The following TRIM26 variants were observed in gnomAD, a reference collection of about 807,000 sequenced individuals.
TRIM26 encodes tripartite motif-containing protein 26.
Under a neutral mutation model 45.5 loss-of-function variants are expected in TRIM26, and 16 were observed. The ratio of observed to expected loss-of-function variants is 0.35; its 90% CI spans 0.24 to 0.53. The LOEUF is 0.53. Among genes scored for constraint, TRIM26 ranks in the 20% least tolerant of loss-of-function variants. The probability of loss-of-function intolerance (pLI) is 0.92; values close to 1 mark genes in which losing one functional copy is unlikely to be tolerated. For synonymous variants in TRIM26, 273 were observed against 290.4 expected (o/e 0.94, Z 0.61); for missense variants, 442 against 691.1 (o/e 0.64, Z 4.04).
intron 2 of TRIM26, among the ~76,000 whole-genome samples, chr6:30,203,507 C>T (rs2523715): frequency 0.1 from 15,776 of 152,074 alleles, 993 homozygotes; most frequent in Non-Finnish European, 0.14. Context: ...CCTTCGCTTG[C>T]CAGGTTCAAG....
rs968770647 is a variant in TRIM26, at chr6:30,196,848, G to A, written c.535-102C>T. ...CTGGCTCGTTCACCTCGCTACCCCC[G>A]TTCAGGAATTCTACAGGATCTGGAG... On this transcript the variant is annotated intron_variant, in intron 5 of 9. Coordinates refer to ENST00000454678, the MANE Select transcript of TRIM26 (RefSeq NM_003449.5). The surrounding 1 kb of genome is among the most constrained non-coding windows in gnomAD (Gnocchi z 4.9). 7.1e-6 allele frequency: 8 copies of A among 1,124,214 alleles called. No individual in the cohort carries two copies. Among genetic ancestry groups the A allele is most frequent in the Non-Finnish European group, 9.0e-6 (7 of 777,566 alleles). 69.6% of individuals were successfully genotyped at this position (1,124,214 alleles called of 1,614,324 possible).
In TRIM26 at chr6:30,190,326, G is replaced by A. The variant is rs1415886756; in HGVS notation, c.766-291C>T. The A allele has an allele frequency of 5.6e-6, 3 of 531,006 alleles. No homozygotes were observed. The African/African-American group carries it at 5.7e-5, about 10-fold the overall frequency. The allele number at this position is 531,006 out of a possible 1,614,324, so 32.9% of individuals were successfully genotyped here. A position where few individuals can be genotyped will look rare whatever the true frequency, so the allele number is the denominator to read the frequency against. On this transcript the variant is annotated intron_variant, in intron 6 of 9. Coordinates refer to ENST00000454678, the MANE Select transcript of TRIM26 (RefSeq NM_003449.5). The surrounding 1 kb of genome is among the most constrained non-coding windows in gnomAD (Gnocchi z 4.3). Reference sequence around the variant, plus strand: ...AGAAGTACTGGCCGGATGAAGAGAGGTAAGGTAAAACAGGAAAGGGCTTGG... The same window carrying A: ...AGAAGTACTGGCCGGATGAAGAGAGATAAGGTAAAACAGGAAAGGGCTTGG...
chr6:30,184,515 G>A lies in TRIM26; in HGVS notation c.*1361C>T, dbSNP rs922250839. 6.6e-6 allele frequency: 1 copy of A among 152,350 alleles called. No individual in the cohort carries two copies. The highest frequency in any genetic ancestry group is 2.1e-4 in the South Asian group (1 of 4,828). The allele number at this position is 152,350 out of a possible 1,614,324, so 9.4% of individuals were successfully genotyped here. A position where few individuals can be genotyped will look rare whatever the true frequency, so the allele number is the denominator to read the frequency against. ...TGCCCAGCACTGCACTAGGTGCCAT[G>A]AGAATACAAGAGTAGTATAAGATGT... On this transcript the variant is annotated 3_prime_UTR_variant, in exon 10 of 10. Transcript: ENST00000454678.
At chr6:30,192,710 C>T (rs1775980777) in intron 6 of TRIM26, among the ~76,000 whole-genome samples, 1 of 152,064 alleles carries the variant, frequency 6.6e-6, no homozygotes. Context: ...CTTCTGGACC[C>T]TATTTTAGGT....
rs1775224919 is a variant in TRIM26, at chr6:30,186,597, G to GTT, written c.938-41_938-40dup. 1 of 1,487,070 alleles carries GTT rather than the reference G, an allele frequency of 6.7e-7. No homozygotes were observed. The highest frequency in any genetic ancestry group is 2.3e-5 in the East Asian group (1 of 42,650). 92.1% of individuals were successfully genotyped at this position (1,487,070 alleles called of 1,614,324 possible). On this transcript the variant is annotated intron_variant, in intron 9 of 9. Coordinates refer to ENST00000454678, the MANE Select transcript of TRIM26 (RefSeq NM_003449.5). The surrounding 1 kb of genome is among the most constrained non-coding windows in gnomAD (Gnocchi z 7.4). The stretch of plus-strand genomic sequence containing the variant: ...GGAAAAAAAAAAAAACAGCATCACT[G>GTT]TTTTGTTTTGTTTTTTAAGTCAGAG...
At position 30,198,262 on chromosome 6, in the gene TRIM26, A is replaced by G. The variant is rs1372915891; in HGVS notation, c.534+167T>C. On this transcript the variant is annotated intron_variant, in intron 5 of 9. Coordinates refer to ENST00000454678, the MANE Select transcript of TRIM26 (RefSeq NM_003449.5). The surrounding 1 kb of genome is among the most constrained non-coding windows in gnomAD (Gnocchi z 6.3). ...ACAGGCCCAAGACTACACGGCTCAG[A>G]AAGACAGCACTTGGGCTAAAACCCA... Among the ~76,000 whole-genome samples the G allele has an allele frequency of 6.6e-6, 1 of 152,196 alleles. No individual in the cohort carries two copies. Among genetic ancestry groups the G allele is most frequent in the Non-Finnish European group, 1.5e-5 (1 of 68,026 alleles).
In TRIM26 at chr6:30,196,854, G is replaced by T; in HGVS notation, c.535-108C>A. The T allele has an allele frequency of 9.5e-7, 1 of 1,047,796 alleles. No individual in the cohort carries two copies. The highest frequency in any genetic ancestry group is 1.4e-6 in the Non-Finnish European group (1 of 713,252). The allele number at this position is 1,047,796 out of a possible 1,614,324, so 64.9% of individuals were successfully genotyped here. ...CGTTCACCTCGCTACCCCCGTTCAG[G>T]AATTCTACAGGATCTGGAGTGGGAG... On this transcript the variant is annotated intron_variant, in intron 5 of 9. Transcript: ENST00000454678. This position sits in a 1 kb window ranked among gnomAD's most constrained non-coding sequence, Gnocchi z 4.9.
intron 6 of TRIM26, among the ~76,000 whole-genome samples, chr6:30,194,450 A>T (rs1337831087): frequency 6.6e-6 from 1 of 152,240 alleles, no homozygotes. Context: ...ATTTTCAAAA[A>T]GCTAGAAGAG....
intron 3 of TRIM26, among the ~76,000 whole-genome samples, chr6:30,199,810 G>A (rs1776947333): frequency 6.6e-6 from 1 of 152,032 alleles, no homozygotes; most frequent in South Asian, 2.1e-4. Flanking sequence ...CTAATTTTTT[G>A]TATTTTTAGT....
At chr6:30,208,343 T>C (rs1354494773) in intron 1 of TRIM26, among the ~76,000 whole-genome samples, 1 of 152,114 alleles carries the variant, frequency 6.6e-6, no homozygotes, top group African/African-American at 2.4e-5. Flanking sequence ...TCCAGCAACT[T>C]ACAGAAACCA....
chr6:30,192,376 G>A (rs551357973), intron 6 of TRIM26, among the ~76,000 whole-genome samples: 1 of 152,260 alleles, frequency 6.6e-6, no homozygotes, highest in African/African-American at 2.4e-5. Context: ...GGTTACCAGG[G>A]CAGGATGCAG....
intron 1 of TRIM26, among the ~76,000 whole-genome samples, chr6:30,206,516 C>T (rs1182278063): frequency 6.6e-6 from 1 of 152,238 alleles, no homozygotes; most frequent in Non-Finnish European, 1.5e-5. Context: ...GGCTGACCCA[C>T]AGGGGAAAAT....
In TRIM26 at chr6:30,186,595, CTGTTT is replaced by C. The variant is rs758271832; in HGVS notation, c.938-42_938-38del. On this transcript the variant is annotated intron_variant, in intron 9 of 9. Transcript: ENST00000454678. This position sits in a 1 kb window ranked among gnomAD's most constrained non-coding sequence, Gnocchi z 7.4. Reference sequence around the variant, plus strand: ...AGGGAAAAAAAAAAAAACAGCATCACTGTTTTGTTTTGTTTTTTAAGTCAGAGGGA... The same window carrying C: ...AGGGAAAAAAAAAAAAACAGCATCACTGTTTTGTTTTTTAAGTCAGAGGGA... 44 of 1,491,534 alleles carry C rather than the reference CTGTTT, an allele frequency of 2.9e-5. No individual in the cohort carries two copies. The highest frequency in any genetic ancestry group is 2.0e-4 in the South Asian group (14 of 70,176). The allele number at this position is 1,491,534 out of a possible 1,614,324, so 92.4% of individuals were successfully genotyped here.
chr6:30,186,118 C>T lies in TRIM26; in HGVS notation c.1378G>A (p.Val460Met). Residue 460 changes from valine (V) to methionine (M), a missense_variant, in exon 10 of 10, where the codon GTG (valine) becomes ATG (methionine). Val to Met is a conservative substitution (Grantham distance 21, BLOSUM62 1). Transcript: ENST00000454678. This position sits in a 1 kb window ranked among gnomAD's most constrained non-coding sequence, Gnocchi z 7.4. ...GAGGAGGAGAGGCGCAGCGCCCACA[C>T]GCCATCCTCTGGCCGCAGGGAGAGG... is the stretch of plus-strand genomic sequence containing the variant. ...GDLSLRPEDG[V>M]WALRLSSSGI... The T allele has an allele frequency of 6.3e-7, 1 of 1,589,814 alleles. No individual in the cohort carries two copies. Among genetic ancestry groups the T allele is most frequent in the South Asian group, 1.1e-5 (1 of 88,012 alleles).
chr6:30,212,291 G>A (rs1318407903), intron 1 of TRIM26, among the ~76,000 whole-genome samples: 1 of 152,192 alleles, frequency 6.6e-6, no homozygotes, highest in Non-Finnish European at 1.5e-5. Flanking sequence ...GGAGCATAAG[G>A]AGACATGACA....
intron 1 of TRIM26, among the ~76,000 whole-genome samples, chr6:30,211,436 C>T (rs180739772): frequency 6.6e-6 from 1 of 152,260 alleles, no homozygotes; most frequent in Admixed American, 6.5e-5. Context: ...GAAGTCATTC[C>T]AAGAAGCCTC....
rs191911198 is a variant in TRIM26, at chr6:30,195,318, T to C, written c.765+1198A>G. 7.2e-3 allele frequency among the ~76,000 whole-genome samples: 1,091 copies of C among 152,080 alleles called. 42 individuals carry two copies. In the South Asian group the frequency reaches 0.12, roughly 17 times the overall value. Reference sequence around the variant, plus strand: ...CAGAAAATGACCCAGTCAAAGAGTATGACGAGAGAAATCTGAGAGAACAGA... The same window carrying C: ...CAGAAAATGACCCAGTCAAAGAGTACGACGAGAGAAATCTGAGAGAACAGA... On this transcript the variant is annotated intron_variant, in intron 6 of 9. Transcript: ENST00000454678.
At chr6:30,187,743 C>T (rs1775339044) in intron 9 of TRIM26, 1 of 185,096 alleles carries the variant, frequency 5.4e-6, no homozygotes, top group Non-Finnish European at 1.1e-5. Flanking sequence ...CATGGTGAAA[C>T]CCCATCTCTA....
chr6:30,186,889 C>G lies in TRIM26; in HGVS notation c.938-331G>C. 1 of 714,700 alleles carries G rather than the reference C, an allele frequency of 1.4e-6. No individual in the cohort carries two copies. Among genetic ancestry groups the G allele is most frequent in the South Asian group, 1.6e-5 (1 of 62,832 alleles). The allele number at this position is 714,700 out of a possible 1,614,324, so 44.3% of individuals were successfully genotyped here. ...GGGTCCAACTCATCATTAATATCAT[C>G]CAAGTGTGGATCACCAGTCCCTGAA... On this transcript the variant is annotated intron_variant, in intron 9 of 9. Transcript: ENST00000454678. The surrounding 1 kb of genome is among the most constrained non-coding windows in gnomAD (Gnocchi z 7.4).
Sources: gnomAD v4.1 joint callset for allele counts (sites outside exome capture counted in the v4.1 genomes callset) on GRCh38, gnomAD v4.1.1 for gene constraint, Gnocchi (gnomAD v3.1) non-coding constraint, MANE v1.5 for transcripts, NCBI Gene and HGNC (gene_info 2026-07-23, HGNC 2026-07-21) for gene names.